Variants in CNTN4 observed in about 807,000 individuals in gnomAD.
CNTN4 encodes contactin 4, also known as contactin-4.
In CNTN4, 77 loss-of-function variants were observed where a neutral mutation model predicts 122.5. That is an observed-to-expected ratio of 0.63 (90% CI 0.52 to 0.76). The LOEUF (loss-of-function observed/expected upper bound fraction) is 0.76, where lower values mean the gene tolerates loss of function less well. Among genes scored for constraint, CNTN4 ranks in the 30% least tolerant of loss-of-function variants. CNTN4 has a pLI of 0.00. For synonymous variants in CNTN4, 512 were observed against 447.0 expected (o/e 1.15, Z -1.83); for missense variants, 1,256 against 1,259.1 (o/e 1.00, Z 0.04).
chr3:2,932,238 C>T (rs193238473), intron 13 of CNTN4, among the ~76,000 whole-genome samples: 21 of 152,050 alleles, frequency 1.4e-4, no homozygotes, highest in African/African-American at 4.3e-4. Context: ...ATTAGCCGGG[C>T]GTGGTGGTGG....
chr3:2,130,868 A>G (rs905979528), intron 2 of CNTN4, among the ~76,000 whole-genome samples: 1 of 152,174 alleles, frequency 6.6e-6, no homozygotes, highest in Non-Finnish European at 1.5e-5. Flanking sequence ...TGACATTCCA[A>G]TAGAATCTTG....
At chr3:2,842,961 C>T (rs373085168) in intron 7 of CNTN4, among the ~76,000 whole-genome samples, 1 of 152,050 alleles carries the variant, frequency 6.6e-6, no homozygotes, top group Non-Finnish European at 1.5e-5. Context: ...TGTATACTTG[C>T]TCTCTAGTGA....
At chr3:2,400,416 TATATATATATAC>T (rs1173191773) in intron 3 of CNTN4, among the ~76,000 whole-genome samples, 1 of 62,906 alleles carries the variant, frequency 1.6e-5, no homozygotes, top group Non-Finnish European at 3.7e-5. Context: ...TATATATATA[TATATATATATAC>T]ATATATATAT....
intron 2 of CNTN4, among the ~76,000 whole-genome samples, chr3:2,195,393 G>C (rs1405005474): frequency 6.6e-6 from 1 of 152,204 alleles, no homozygotes; most frequent in Admixed American, 6.5e-5. Context: ...CGGGAGTGAA[G>C]ATGTTCCTTT....
At chr3:2,810,212 C>T (rs1257203269) in intron 6 of CNTN4, among the ~76,000 whole-genome samples, 1 of 152,118 alleles carries the variant, frequency 6.6e-6, no homozygotes, top group Non-Finnish European at 1.5e-5. Context: ...AGTAATAGAA[C>T]CCACCTCAAA....
intron 4 of CNTN4, among the ~76,000 whole-genome samples, chr3:2,640,671 C>A (rs1221957322): frequency 6.6e-6 from 1 of 151,924 alleles, no homozygotes; most frequent in African/African-American, 2.4e-5. Flanking sequence ...ACACATATAT[C>A]TTTCACACAC....
chr3:2,632,192 C>G, intron 4 of CNTN4, among the ~76,000 whole-genome samples: 1 of 151,962 alleles, frequency 6.6e-6, no homozygotes, highest in East Asian at 1.9e-4. Flanking sequence ...TGTTTAATTC[C>G]CCTAGTGCTC....
chr3:2,873,881 T>A (rs2093814208), intron 8 of CNTN4, among the ~76,000 whole-genome samples: 1 of 152,152 alleles, frequency 6.6e-6, no homozygotes, highest in Admixed American at 6.5e-5. Flanking sequence ...AGATCTAGAG[T>A]TTATACCAAA....
chr3:2,175,474 A>T (rs2036710058), intron 2 of CNTN4, among the ~76,000 whole-genome samples: 1 of 152,174 alleles, frequency 6.6e-6, no homozygotes, highest in Non-Finnish European at 1.5e-5. Context: ...AACACTGTTT[A>T]TATTTGTGTA....
At chr3:2,770,574 G>A (rs1014532470) in intron 6 of CNTN4, among the ~76,000 whole-genome samples, 2 of 152,186 alleles carry the variant, frequency 1.3e-5, no homozygotes, top group African/African-American at 4.8e-5. Context: ...TTTTTCTACA[G>A]ATCTTTCTTG....
chr3:2,629,095 A>G (rs1396215386), intron 4 of CNTN4, among the ~76,000 whole-genome samples: 1 of 152,176 alleles, frequency 6.6e-6, no homozygotes, highest in Non-Finnish European at 1.5e-5. Context: ...CCCCCCTCAA[A>G]TTGAAGCCTT....
intron 6 of CNTN4, among the ~76,000 whole-genome samples, chr3:2,764,802 A>G (rs1237750896): frequency 6.6e-6 from 1 of 152,042 alleles, no homozygotes; most frequent in Non-Finnish European, 1.5e-5. Context: ...TTAAATTAGG[A>G]ATTCTCTTTT....
At chr3:2,557,272 G>C (rs1419518399) in intron 3 of CNTN4, among the ~76,000 whole-genome samples, 2 of 152,224 alleles carry the variant, frequency 1.3e-5, no homozygotes, top group African/African-American at 4.8e-5. Context: ...CAAAAATGCA[G>C]TGTTAACAGT....
At position 2,883,255 on chromosome 3, in the gene CNTN4, C is replaced by G. The variant is rs760804426; in HGVS notation, c.755+8C>G. ...ATGCTTTGCTTTAGGAAAGTAAGTT[C>G]TGGTTTGCGTTCCTTCTCATCCTCC... On this transcript the variant is annotated splice_region_variant and intron_variant, in intron 9 of 24. Transcript: ENST00000418658. 3.1e-6 allele frequency: 5 copies of G among 1,605,458 alleles called. No individual in the cohort carries two copies. The African/African-American group carries it at 5.4e-5, about 17-fold the overall frequency.
In CNTN4 at chr3:2,147,295, G is replaced by C. The variant is rs552912073; in HGVS notation, c.-145+46656G>C. ...ATCAGAGGAGCATTCCAGCCCTTTA[G>C]TTTGGATTTTCTTGCTATTTCTGAT... On this transcript the variant is annotated intron_variant, in intron 2 of 24. Coordinates refer to ENST00000418658, the MANE Select transcript of CNTN4 (RefSeq NM_175607.3). Among the ~76,000 whole-genome samples, 30 of 151,896 alleles carry C rather than the reference G, an allele frequency of 2.0e-4. No individual in the cohort carries two copies. The South Asian group carries it at 6.2e-3, about 32-fold the overall frequency.
chr3:2,395,415 T>C (rs570097860), intron 3 of CNTN4, among the ~76,000 whole-genome samples: 1 of 152,330 alleles, frequency 6.6e-6, no homozygotes, highest in South Asian at 2.1e-4. Context: ...TATATATTAA[T>C]AGGATTATGG....
intron 2 of CNTN4, among the ~76,000 whole-genome samples, chr3:2,306,074 T>C (rs909875004): frequency 8.5e-5 from 13 of 152,228 alleles, no homozygotes; most frequent in African/African-American, 2.4e-4. Flanking sequence ...TTTGTAATTA[T>C]AAATAATGTT....
In CNTN4 at chr3:2,206,577, A is replaced by C. The variant is rs112492727; in HGVS notation, c.-145+105938A>C. 5.1e-3 allele frequency among the ~76,000 whole-genome samples: 778 copies of C among 152,240 alleles called. 2 individuals are homozygous for C. Among genetic ancestry groups the C allele is most frequent in the African/African-American group, 0.017 (712 of 41,560 alleles). ...ATTTGCACTTGATTCTAAGACAGTG[A>C]TACCAGGAATGACTTTTGGAGTCGG... On this transcript the variant is annotated intron_variant, in intron 2 of 24. Coordinates refer to ENST00000418658, the MANE Select transcript of CNTN4 (RefSeq NM_175607.3).
intron 3 of CNTN4, among the ~76,000 whole-genome samples, chr3:2,388,832 T>C (rs1575527477): frequency 6.8e-6 from 1 of 146,422 alleles, no homozygotes; most frequent in Admixed American, 6.8e-5. Context: ...GCAACAGAGC[T>C]AGATTCTGTC....
Sources: allele counts gnomAD v4.1 joint callset (sites outside exome capture counted in the v4.1 genomes callset), GRCh38; gene constraint gnomAD v4.1.1; transcripts MANE v1.5; gene names NCBI Gene and HGNC (gene_info 2026-07-23, HGNC 2026-07-21).